The following RBFOX1 variants were observed in gnomAD, a reference collection of about 807,000 sequenced individuals.
RBFOX1 encodes the protein RNA binding protein fox-1 homolog 1.
A neutral mutation model predicts 57.7 loss-of-function variants in RBFOX1; 8 were observed. The ratio of observed to expected loss-of-function variants is 0.14; its 90% CI spans 0.08 to 0.25. RBFOX1 has a LOEUF of 0.25. Among genes scored for constraint, RBFOX1 ranks in the 10% least tolerant of loss-of-function variants. The pLI is 1.00. For missense variants in RBFOX1, 611 were observed against 548.5 expected (o/e 1.11, Z -1.14); for synonymous variants, 326 against 222.4 (o/e 1.47, Z -4.15).
At chr16:6,768,966 A>G (rs1235921780) in intron 3 of RBFOX1, among the ~76,000 whole-genome samples, 3 of 152,072 alleles carry the variant, frequency 2.0e-5, no homozygotes, top group African/African-American at 7.2e-5. Flanking sequence ...TGACCTCGTG[A>G]TCTGCCTGCC....
At chr16:6,796,450 C>A (rs1199718547) in intron 3 of RBFOX1, among the ~76,000 whole-genome samples, 2 of 152,166 alleles carry the variant, frequency 1.3e-5, no homozygotes, top group Non-Finnish European at 2.9e-5. Flanking sequence ...TAACCCCCCA[C>A]TGCCAAATCA....
intron 4 of RBFOX1, among the ~76,000 whole-genome samples, chr16:7,470,890 G>T (rs1353917618): frequency 6.6e-6 from 1 of 150,494 alleles, no homozygotes; most frequent in Non-Finnish European, 1.5e-5. Context: ...GGCGGGATGG[G>T]GGAGTATAAT....
intron 4 of RBFOX1, among the ~76,000 whole-genome samples, chr16:5,918,820 G>A (rs1013777547): frequency 6.6e-6 from 1 of 152,190 alleles, no homozygotes; most frequent in African/African-American, 2.4e-5. Context: ...CTGCAACAAA[G>A]CAGGCTTGGC....
chr16:7,505,612 G>T (rs375390447), intron 4 of RBFOX1, among the ~76,000 whole-genome samples: 137 of 152,314 alleles, frequency 9.0e-4, no homozygotes, highest in African/African-American at 3.1e-3. Flanking sequence ...ATTGCCTTCT[G>T]TAACTCCAAA....
At chr16:6,200,532 A>G (rs959616294) in intron 1 of RBFOX1, among the ~76,000 whole-genome samples, 3 of 152,234 alleles carry the variant, frequency 2.0e-5, no homozygotes, top group Admixed American at 2.0e-4. Flanking sequence ...AAAATCACAC[A>G]ATATAAACCA....
intron 10 of RBFOX1, among the ~76,000 whole-genome samples, chr16:7,629,958 G>C (rs1280260796): frequency 6.6e-6 from 1 of 152,068 alleles, no homozygotes; most frequent in Non-Finnish European, 1.5e-5. Flanking sequence ...CCCAGGGATG[G>C]CAAAAAGTTG....
rs77251077 is a variant in RBFOX1, at chr16:5,629,468, G to T, written c.318+30507G>T. ...TGTAGGGGACCCTGTGGTCCTCATG[G>T]ACCCAAAGCCACTGCCCAAAGAGGG... is the stretch of plus-strand genomic sequence containing the variant. On this transcript the variant is annotated intron_variant, in intron 3 of 19. Coordinates refer to the RBFOX1 transcript ENST00000641259. Among the ~76,000 whole-genome samples, 898 of 152,316 alleles carry T rather than the reference G, an allele frequency of 5.9e-3. 8 individuals carry two copies. The highest frequency in any genetic ancestry group is 0.021 in the African/African-American group (853 of 41,558).
intron 4 of RBFOX1, among the ~76,000 whole-genome samples, chr16:5,941,359 G>T (rs1031921074): frequency 6.6e-6 from 1 of 151,918 alleles, no homozygotes; most frequent in Middle Eastern, 3.4e-3. Flanking sequence ...GCATGGTAGA[G>T]CATGCCTGTC....
At chr16:6,946,538 A>C (rs965380377) in intron 3 of RBFOX1, among the ~76,000 whole-genome samples, 1 of 152,072 alleles carries the variant, frequency 6.6e-6, no homozygotes, top group Admixed American at 6.6e-5. Context: ...TTTTCTAAGA[A>C]CCTTCTTTCA....
At chr16:5,623,016 C>A (rs144334515) in intron 3 of RBFOX1, among the ~76,000 whole-genome samples, 1 of 152,050 alleles carries the variant, frequency 6.6e-6, no homozygotes, top group South Asian at 2.1e-4. Flanking sequence ...AATACTATGC[C>A]GCTTTGTATG....
intron 2 of RBFOX1, among the ~76,000 whole-genome samples, chr16:6,383,703 G>A (rs2092019291): frequency 6.6e-6 from 1 of 152,060 alleles, no homozygotes; most frequent in African/African-American, 2.4e-5. Context: ...CCGGGAGACA[G>A]AGGTTGCAGT....
At chr16:5,721,572 G>A (rs756800528) in intron 3 of RBFOX1, among the ~76,000 whole-genome samples, 11 of 152,170 alleles carry the variant, frequency 7.2e-5, no homozygotes, top group South Asian at 2.1e-4. Flanking sequence ...TTCAGTCTTC[G>A]GCCATTGCGT....
At chr16:5,604,240 AAAC>A (rs2047477452), downstream of RBFOX1, among the ~76,000 whole-genome samples, 1 of 152,236 alleles carries the variant, frequency 6.6e-6, no homozygotes, top group Non-Finnish European at 1.5e-5. Context: ...AAGTGGCTTC[AAAC>A]AACACCTGTC....
chr16:6,288,940 C>A (rs962201204), intron 1 of RBFOX1, among the ~76,000 whole-genome samples: 3 of 152,088 alleles, frequency 2.0e-5, no homozygotes, highest in Non-Finnish European at 4.4e-5. Context: ...GATGCTGTCA[C>A]CCCCAGGAGG....
At chr16:5,695,346 T>C (rs1430988987) in intron 3 of RBFOX1, among the ~76,000 whole-genome samples, 1 of 152,142 alleles carries the variant, frequency 6.6e-6, no homozygotes, top group African/African-American at 2.4e-5. Flanking sequence ...TAAGGAAAAG[T>C]TTTCTATGAA....
At chr16:6,091,454 A>G (rs2096172394) in intron 1 of RBFOX1, among the ~76,000 whole-genome samples, 1 of 152,088 alleles carries the variant, frequency 6.6e-6, no homozygotes, top group Non-Finnish European at 1.5e-5. Context: ...CTACTTTTTT[A>G]TAGGGTGAGC....
intron 5 of RBFOX1, among the ~76,000 whole-genome samples, chr16:7,578,117 A>T (rs894786853): frequency 1.3e-5 from 2 of 152,200 alleles, no homozygotes; most frequent in Non-Finnish European, 2.9e-5. Context: ...TCTTTTTGGT[A>T]TTTAAAAAAC....
At chr16:5,628,552 C>G (rs1461628105) in intron 3 of RBFOX1, among the ~76,000 whole-genome samples, 1 of 152,182 alleles carries the variant, frequency 6.6e-6, no homozygotes, top group Admixed American at 6.5e-5. Flanking sequence ...GGAAACAACT[C>G]AAACATAAAG....
At chr16:7,374,238 G>A (rs926387742) in intron 4 of RBFOX1, among the ~76,000 whole-genome samples, 3 of 152,150 alleles carry the variant, frequency 2.0e-5, no homozygotes, top group African/African-American at 7.2e-5. Context: ...ACCATCCCGT[G>A]GAATCACATT....
Sources: allele counts gnomAD v4.1 joint callset (sites outside exome capture counted in the v4.1 genomes callset), GRCh38; gene constraint gnomAD v4.1.1; transcripts MANE v1.5; gene names NCBI Gene and HGNC (gene_info 2026-07-23, HGNC 2026-07-21).